Variants in TRIM36 observed in about 807,000 individuals in gnomAD.
TRIM36 encodes the protein tripartite motif containing 36, also known as E3 ubiquitin-protein ligase TRIM36.
A neutral mutation model predicts 72.4 loss-of-function variants in TRIM36; 42 were observed. The ratio of observed to expected loss-of-function variants is 0.58; its 90% confidence interval spans 0.45 to 0.75. The LOEUF is 0.75. TRIM36 is among the 30% of genes least tolerant of loss of function. The pLI, the probability that TRIM36 is intolerant of heterozygous loss-of-function variation, is 0.00. For synonymous variants in TRIM36, 315 were observed against 282.8 expected (o/e 1.11, Z -1.14); for missense variants, 913 against 857.1 (o/e 1.07, Z -0.81).
At position 115,163,445 on chromosome 5, in the gene TRIM36, T is replaced by C. The variant is rs1754592242; in HGVS notation, c.262+73A>G. On this transcript the variant is annotated intron_variant, in intron 2 of 9. Coordinates refer to ENST00000513154, the MANE Select transcript of TRIM36 (RefSeq NM_001300759.2). The stretch of plus-strand genomic sequence containing the variant: ...CTCAAGATGACAAAAATAATTTTCC[T>C]TCCAGTTACCACTGAATATATATCT... 3.1e-6 allele frequency: 4 copies of C among 1,299,624 alleles called. No homozygotes were observed. In the East Asian group the frequency reaches 9.4e-5, roughly 30 times the overall value. 80.5% of individuals were successfully genotyped at this position (1,299,624 alleles called of 1,614,324 possible).
Position 115,169,875 on chromosome 5 carries a change from G to A in TRIM36, c.-241C>T, listed in dbSNP as rs1035352329. The A allele has an allele frequency of 2.1e-5, 28 of 1,304,498 alleles. No individual in the cohort carries two copies. In the Admixed American group the frequency reaches 1.0e-3, roughly 49 times the overall value. 80.8% of individuals were successfully genotyped at this position (1,304,498 alleles called of 1,614,324 possible). A position where few individuals can be genotyped will look rare whatever the true frequency, so the allele number is the denominator to read the frequency against. ...GCGACTACCCCGGGAATCCCGCCCA[G>A]CTGCCGGCTGCAGCAGCGGCTCCTG... On this transcript the variant is annotated 5_prime_UTR_variant, in exon 1 of 10. Transcript: ENST00000513154.
In TRIM36 at chr5:115,177,844, T is replaced by C. The variant is rs1335462639; in HGVS notation, c.63+2131A>G. On this transcript the variant is annotated intron_variant, in intron 1 of 9. Coordinates refer to the TRIM36 transcript ENST00000282369. ...TTTAGAAGTCAACCGGGAATGCTCA[T>C]GGGTTTGCTGCAGGCCCATTGCTGA... 5.6e-6 allele frequency: 9 copies of C among 1,613,962 alleles called. No homozygotes were observed. The African/African-American group carries it at 8.0e-5, about 14-fold the overall frequency.
chr5:115,173,979 A>T (rs1755229524), upstream of TRIM36: 1 of 152,210 alleles, frequency 6.6e-6, no homozygotes, highest in African/African-American at 2.4e-5. Flanking sequence ...CTACTTCATG[A>T]AGTCCAAAAG....
intron 4 of TRIM36, among the ~76,000 whole-genome samples, chr5:115,141,822 C>T (rs1382656484): frequency 6.6e-6 from 1 of 152,032 alleles, no homozygotes; most frequent in African/African-American, 2.4e-5. Context: ...AACAAAGAGA[C>T]TTCCAAAATA....
chr5:115,152,007 G>A (rs920312079), intron 2 of TRIM36, among the ~76,000 whole-genome samples: 1 of 152,022 alleles, frequency 6.6e-6, no homozygotes, highest in South Asian at 2.1e-4. Context: ...ACCAGCAAGG[G>A]ACCCAAACAA....
At chr5:115,129,558 C>CAA (rs1752540642) in intron 9 of TRIM36, among the ~76,000 whole-genome samples, 3 of 151,956 alleles carry the variant, frequency 2.0e-5, no homozygotes, top group African/African-American at 7.3e-5. Context: ...AACTCCGTCT[C>CAA]AAAAAAGAAA....
chr5:115,131,312 T>C (rs966134284), intron 8 of TRIM36, among the ~76,000 whole-genome samples: 1 of 152,202 alleles, frequency 6.6e-6, no homozygotes, highest in Non-Finnish European at 1.5e-5. Context: ...ATTTTAGCTA[T>C]TTTAATAAAG....
chr5:115,144,594 C>T lies in TRIM36; in HGVS notation c.735+4G>A. 6.2e-7 allele frequency: 1 copy of T among 1,612,052 alleles called. No homozygotes were observed. Among genetic ancestry groups the T allele is most frequent in the African/African-American group, 1.3e-5 (1 of 74,910 alleles). On this transcript the variant is annotated splice_donor_region_variant and intron_variant, in intron 4 of 9. Transcript: ENST00000513154. The stretch of plus-strand genomic sequence containing the variant: ...CAAAATTCTGTTCCAAAAATAAGTC[C>T]TACCTTTAAGGTTTTGTAGGCACTG...
In TRIM36 at chr5:115,167,526, A is replaced by G. The variant is rs557852173; in HGVS notation, c.27+2082T>C. ...CACAAATCTCTAGGACAGGGGCAAA[A>G]CACTGCCAGTCTCTTTGCTAAAGCA... On this transcript the variant is annotated intron_variant, in intron 1 of 9. Coordinates refer to ENST00000513154, the MANE Select transcript of TRIM36 (RefSeq NM_001300759.2). 5.4e-4 allele frequency among the ~76,000 whole-genome samples: 82 copies of G among 152,226 alleles called. 1 individual carries two copies. Among genetic ancestry groups the G allele is most frequent in the Non-Finnish European group, 9.1e-4 (62 of 68,038 alleles).
upstream of TRIM36, among the ~76,000 whole-genome samples, chr5:115,170,284 G>A: frequency 6.6e-6 from 1 of 152,190 alleles, no homozygotes; most frequent in East Asian, 1.9e-4. Context: ...CAGAGCAGCC[G>A]GCTGCAGCCC....
chr5:115,144,627 TGG>T lies in TRIM36; in HGVS notation c.704_705del (p.Thr235AsnfsTer18). On this transcript the variant is annotated frameshift_variant, in exon 4 of 10. Coordinates refer to ENST00000513154, the MANE Select transcript of TRIM36 (RefSeq NM_001300759.2). LOFTEE classifies it high-confidence loss of function. ...LGGNHANHRV[T>X]TMSSAYKTLK... ...AAGGTTTTGTAGGCACTGCTCATAGTGGTTACACGGTGGTTGGCATGATTACC... is the reference window on the plus strand; with the variant it reads ...AAGGTTTTGTAGGCACTGCTCATAGTTTACACGGTGGTTGGCATGATTACC... The T allele has an allele frequency of 6.2e-7, 1 of 1,614,022 alleles. No homozygotes were observed.
intron 2 of TRIM36, 138 bp from the exon 3 acceptor site, chr5:115,147,532 G>A: frequency 1.9e-6 from 2 of 1,052,020 alleles, no homozygotes; most frequent in Non-Finnish European, 1.3e-6. Flanking sequence ...CGTGAAATTT[G>A]TATTGTGAAA....
At chr5:115,178,705 C>T (rs1159616388) in intron 1 of TRIM36, among the ~76,000 whole-genome samples, 1 of 152,118 alleles carries the variant, frequency 6.6e-6, no homozygotes, top group Non-Finnish European at 1.5e-5. Context: ...GTACTTCTGG[C>T]CCGGGGTTGT....
upstream of TRIM36, among the ~76,000 whole-genome samples, chr5:115,170,694 G>T (rs1755069700): frequency 6.6e-6 from 1 of 152,250 alleles, no homozygotes; most frequent in Non-Finnish European, 1.5e-5. Context: ...CGCGGGGACC[G>T]CCTGCAGGGT....
chr5:115,137,407 T>C lies in TRIM36; in HGVS notation c.1041A>G (p.Thr347=), dbSNP rs1753022038. The C allele has an allele frequency of 6.2e-7, 1 of 1,613,914 alleles. No individual in the cohort carries two copies. Among genetic ancestry groups the C allele is most frequent in the African/African-American group, 1.3e-5 (1 of 74,936 alleles). ...VGYAQEVLKE[T]DQSCFVQTAK... ...CTGTCTGCACAAAGCAAGACTGATCTGTCTCCTTTAGCACTTCTTGAGCAT... is the reference window on the plus strand; with the variant it reads ...CTGTCTGCACAAAGCAAGACTGATCCGTCTCCTTTAGCACTTCTTGAGCAT... The change falls in exon 6 of 10, where the codon ACA becomes ACG. Residue 347 remains threonine, a synonymous_variant. Transcript: ENST00000513154.
intron 5 of TRIM36, among the ~76,000 whole-genome samples, chr5:115,138,127 T>C (rs1473859131): frequency 6.6e-6 from 1 of 152,162 alleles, no homozygotes; most frequent in African/African-American, 2.4e-5. Context: ...TGAGACAGAG[T>C]CTCGCTCTGT....
In TRIM36 at chr5:115,163,623, C is replaced by T. The variant is rs141189315; in HGVS notation, c.157G>A (p.Asp53Asn). 18 of 1,614,068 alleles carry T rather than the reference C, an allele frequency of 1.1e-5. No homozygotes were observed. The highest frequency in any genetic ancestry group is 3.3e-5 in the South Asian group (3 of 91,074). The change falls in exon 2 of 10, where the codon GAT becomes AAT. Residue 53 changes from aspartate to asparagine, a missense_variant. Physicochemically the swap from Asp to Asn is conservative, Grantham distance 23. Transcript: ENST00000513154. The stretch of plus-strand genomic sequence containing the variant: ...GATCCCACATCGTTGAATGAATCAT[C>T]GAGAGTCAGCAGGAGTTCTTTTACA... Reference protein sequence around the residue: ...KCVKELLLTLDDSFNDVGSDN... With the variant: ...KCVKELLLTLNDSFNDVGSDN...
intron 1 of TRIM36, among the ~76,000 whole-genome samples, chr5:115,178,082 C>T (rs1755428896): frequency 6.6e-6 from 1 of 152,156 alleles, no homozygotes; most frequent in African/African-American, 2.4e-5. Context: ...GGACATCCAT[C>T]AGTCGGCTTC....
intron 2 of TRIM36, among the ~76,000 whole-genome samples, chr5:115,151,082 G>A (rs1753867951): frequency 6.6e-6 from 1 of 152,206 alleles, no homozygotes; most frequent in South Asian, 2.1e-4. Context: ...CCACAGGTGG[G>A]AGAAGGAAAG....
Sources: allele counts gnomAD v4.1 joint callset (sites outside exome capture counted in the v4.1 genomes callset), GRCh38; gene constraint gnomAD v4.1.1; transcripts MANE v1.5; gene names NCBI Gene and HGNC (gene_info 2026-07-23, HGNC 2026-07-21).